TDRD3: variants seen among roughly 807,000 people sequenced by gnomAD.
TDRD3 encodes the protein tudor domain containing 3.
TDRD3 carries 45 observed loss-of-function variants against 86.7 expected under a neutral mutation model. The observed-to-expected ratio is 0.52, with a 90% confidence interval of 0.41 to 0.67. TDRD3 has a LOEUF of 0.67. Ranked by LOEUF, TDRD3 falls within the 30% of genes least tolerant of loss-of-function variation. The pLI is 0.00. For synonymous variants in TDRD3, 298 were observed against 301.7 expected, an observed-to-expected ratio of 0.99 and a Z score of 0.13; for missense variants, 814 against 889.0, an observed-to-expected ratio of 0.92 and a Z score of 1.07.
chr13:60,512,104 C>T (rs1957071819), intron 10 of TDRD3, among the ~76,000 whole-genome samples: 1 of 152,040 alleles, frequency 6.6e-6, no homozygotes, highest in African/African-American at 2.4e-5. Flanking sequence ...ATTGGATTTA[C>T]AGTTCCACGT....
chr13:60,400,201 G>A (rs1427674866), intron 1 of TDRD3, among the ~76,000 whole-genome samples: 2 of 152,096 alleles, frequency 1.3e-5, no homozygotes, highest in African/African-American at 4.8e-5. Context: ...ATTTGACTCT[G>A]AATTTATCTA....
At chr13:60,434,461 GT>G (rs1390185659) in intron 1 of TDRD3, among the ~76,000 whole-genome samples, 15 of 135,696 alleles carry the variant, frequency 1.1e-4, no homozygotes, top group African/African-American at 4.2e-4. Context: ...GTGAGACCCT[GT>G]TTAAAAAAAA....
intron 1 of TDRD3, among the ~76,000 whole-genome samples, chr13:60,412,566 C>T (rs554493056): frequency 6.6e-6 from 1 of 152,204 alleles, no homozygotes; most frequent in Non-Finnish European, 1.5e-5. Context: ...TATGACACAT[C>T]AAGAAATGGA....
intron 5 of TDRD3, among the ~76,000 whole-genome samples, chr13:60,473,390 A>T (rs1956112322): frequency 6.6e-6 from 1 of 152,162 alleles, no homozygotes; most frequent in Non-Finnish European, 1.5e-5. Context: ...AAATCATAGC[A>T]CTTCCTTTTA....
intron 4 of TDRD3, among the ~76,000 whole-genome samples, chr13:60,465,399 C>T (rs1270588521): frequency 2.6e-5 from 4 of 152,248 alleles, no homozygotes; most frequent in East Asian, 1.9e-4. Context: ...TGATCTTGAA[C>T]GGTAATAGAT....
At chr13:60,513,231 A>G (rs1465413024) in intron 10 of TDRD3, among the ~76,000 whole-genome samples, 1 of 152,166 alleles carries the variant, frequency 6.6e-6, no homozygotes, top group African/African-American at 2.4e-5. Flanking sequence ...AGTGCCTGGG[A>G]TGCAGGGCAC....
intron 1 of TDRD3, among the ~76,000 whole-genome samples, chr13:60,420,623 G>T (rs1026209829): frequency 6.6e-5 from 10 of 151,892 alleles, no homozygotes; most frequent in African/African-American, 2.2e-4. Context: ...TTTCTTTATT[G>T]GATTGACTTG....
At chr13:60,424,629 A>AT (rs1954753469) in intron 1 of TDRD3, among the ~76,000 whole-genome samples, 1 of 152,172 alleles carries the variant, frequency 6.6e-6, no homozygotes, top group Admixed American at 6.5e-5. Flanking sequence ...GTGAGCAGAG[A>AT]TTGTGCCACT....
chr13:60,555,692 A>C (rs942086225), intron 12 of TDRD3, among the ~76,000 whole-genome samples: 5 of 152,278 alleles, frequency 3.3e-5, no homozygotes, highest in African/African-American at 1.2e-4. Context: ...AATATGTGAT[A>C]AATTGTTCTG....
intron 1 of TDRD3, among the ~76,000 whole-genome samples, chr13:60,412,480 TAGTA>T (rs1254614453): frequency 8.5e-5 from 13 of 152,188 alleles, no homozygotes; most frequent in African/African-American, 3.1e-4. Context: ...CATTCTATAA[TAGTA>T]GGTAGTATGG....
intron 1 of TDRD3, among the ~76,000 whole-genome samples, chr13:60,415,940 A>T (rs1327220068): frequency 6.6e-6 from 1 of 152,178 alleles, no homozygotes; most frequent in Non-Finnish European, 1.5e-5. Flanking sequence ...AGAAAGGGAG[A>T]ACTCTGGTTG....
rs774621578 is a variant in TDRD3, at chr13:60,485,842, G to A, written c.611G>A (p.Arg204Gln). ...CAAGTGGATAGCAGAGAACTTGATC[G>A]AAGAAAAACATTGCAAGTTACAATG... is the stretch of plus-strand genomic sequence containing the variant. ...HVQVDSRELD[R>Q]RKTLQVTMPV... Residue 204 changes from arginine to glutamine, a missense_variant, in exon 7 of 14, where the codon CGA (arginine) becomes CAA (glutamine). Arg to Gln is a conservative substitution (Grantham distance 43). Coordinates refer to ENST00000377881, the MANE Select transcript of TDRD3 (RefSeq NM_001146070.2). 3.6e-5 allele frequency: 58 copies of A among 1,607,926 alleles called. No homozygotes were observed. The highest frequency in any genetic ancestry group is 7.8e-5 in the South Asian group (7 of 90,000).
At chr13:60,453,546 A>AT (rs1313962948) in intron 3 of TDRD3, among the ~76,000 whole-genome samples, 2 of 152,234 alleles carry the variant, frequency 1.3e-5, no homozygotes, top group Non-Finnish European at 2.9e-5. Flanking sequence ...TCTTATTGGA[A>AT]TAGCACTTGG....
chr13:60,403,758 T>G (rs1413740400), intron 1 of TDRD3, among the ~76,000 whole-genome samples: 1 of 152,176 alleles, frequency 6.6e-6, no homozygotes, highest in African/African-American at 2.4e-5. Flanking sequence ...ACATCTCTAT[T>G]GGATGGATGT....
In TDRD3 at chr13:60,499,271, CA is replaced by C. The variant is rs376498993; in HGVS notation, c.858+4697del. Among the ~76,000 whole-genome samples the C allele has an allele frequency of 5.0e-3, 757 of 152,322 alleles. 3 individuals carry two copies. The highest frequency in any genetic ancestry group is 0.024 in the Middle Eastern group (7 of 294). On this transcript the variant is annotated intron_variant, in intron 8 of 13. Coordinates refer to ENST00000377881, the MANE Select transcript of TDRD3 (RefSeq NM_001146070.2). ...AAGACAGATGGATCTTGGAGAATTACAGTGGATTATCAAGTGGTGACTCCAA... is the reference window on the plus strand; with the variant it reads ...AAGACAGATGGATCTTGGAGAATTACGTGGATTATCAAGTGGTGACTCCAA...
chr13:60,499,863 G>A (rs1023660889), intron 8 of TDRD3, among the ~76,000 whole-genome samples: 4 of 152,186 alleles, frequency 2.6e-5, no homozygotes, highest in Non-Finnish European at 4.4e-5. Flanking sequence ...TTACTCTGGC[G>A]GATTTATCAA....
At chr13:60,465,493 G>T (rs1955898745) in intron 4 of TDRD3, among the ~76,000 whole-genome samples, 1 of 152,114 alleles carries the variant, frequency 6.6e-6, no homozygotes, top group Non-Finnish European at 1.5e-5. Flanking sequence ...TGTCAGTTGT[G>T]ATTGATCACT....
At chr13:60,406,008 A>C (rs1171358886) in intron 1 of TDRD3, among the ~76,000 whole-genome samples, 2 of 152,206 alleles carry the variant, frequency 1.3e-5, no homozygotes, top group Admixed American at 6.5e-5. Context: ...TTGTATCCTC[A>C]AATCAATTAC....
intron 10 of TDRD3, among the ~76,000 whole-genome samples, chr13:60,514,604 C>G (rs1383425470): frequency 6.6e-6 from 1 of 152,032 alleles, no homozygotes; most frequent in Non-Finnish European, 1.5e-5. Context: ...TGGGGCAGTC[C>G]AAGTGGAGGG....
Sources: allele counts gnomAD v4.1 joint callset (sites outside exome capture counted in the v4.1 genomes callset), GRCh38; gene constraint gnomAD v4.1.1; transcripts MANE v1.5; gene names NCBI Gene and HGNC (gene_info 2026-07-23, HGNC 2026-07-21).